NBAS: variants seen among roughly 807,000 people sequenced by gnomAD.
NBAS encodes NAG/BC035112 fusion.
A neutral mutation model predicts 302.5 loss-of-function variants in NBAS; 219 were observed. The observed-to-expected ratio is 0.72, with a 90% CI of 0.65 to 0.81. The LOEUF (loss-of-function observed/expected upper bound fraction) is 0.81. Ranked by LOEUF, NBAS falls within the 30% of genes least tolerant of loss-of-function variation. The pLI is 0.00. For synonymous variants in NBAS, 1,118 were observed against 1,021.6 expected (o/e 1.09, Z -1.80); for missense variants, 2,932 against 2,841.6 (o/e 1.03, Z -0.72).
chr2:15,186,862 C>T lies in NBAS; in HGVS notation c.6591G>A (p.Trp2197Ter). 6.2e-7 allele frequency: 1 copy of T among 1,613,842 alleles called. No individual in the cohort carries two copies. The highest frequency in any genetic ancestry group is 8.5e-7 in the Non-Finnish European group (1 of 1,179,914). ...KSEYVITNNP[W>*]VRLATVMLTR... ...TTAGCATCACTGTAGCTAGTCTCAC[C>T]CATGGATTATTGGTTATGCTGGTGT... The change falls in exon 50 of 52, where the codon TGG becomes TGA. Residue 2197 changes from tryptophan to a stop codon, truncating the protein, a stop_gained. Transcript: ENST00000281513. LOFTEE classifies it high-confidence loss of function.
At chr2:15,265,588 T>C (rs939045128) in intron 44 of NBAS, among the ~76,000 whole-genome samples, 1 of 152,160 alleles carries the variant, frequency 6.6e-6, no homozygotes, top group Non-Finnish European at 1.5e-5. Flanking sequence ...AGGACTAGCA[T>C]AGGGTTCGGT....
chr2:14,855,290 G>T, the NBAS span, among the ~76,000 whole-genome samples: 1 of 152,192 alleles, frequency 6.6e-6, no homozygotes, highest in South Asian at 2.1e-4. Flanking sequence ...TACATCAAAG[G>T]CCCTAGCTCT....
At chr2:15,379,868 G>C (rs2058866) in intron 29 of NBAS, 37 bp from the exon 30 acceptor site, 1 of 1,570,942 alleles carries the variant, frequency 6.4e-7, no homozygotes, top group Non-Finnish European at 8.8e-7. Flanking sequence ...GTTATAGAGA[G>C]GGAAGATTCA....
At chr2:14,787,969 T>C in the NBAS span, among the ~76,000 whole-genome samples, 3 of 152,190 alleles carry the variant, frequency 2.0e-5, no homozygotes, top group Admixed American at 6.5e-5. Flanking sequence ...CAATCAGACA[T>C]AGATTTGGTC....
intron 44 of NBAS, among the ~76,000 whole-genome samples, chr2:15,248,761 C>A (rs544703700): frequency 6.6e-6 from 1 of 152,060 alleles, no homozygotes; most frequent in South Asian, 2.1e-4. Context: ...CAAGACTAAA[C>A]CAGAAGTTGA....
the NBAS span, among the ~76,000 whole-genome samples, chr2:14,830,172 T>C: frequency 6.6e-6 from 1 of 152,170 alleles, no homozygotes; most frequent in African/African-American, 2.4e-5. Flanking sequence ...TTAAATAGCT[T>C]CTGTTATACA....
At chr2:15,365,715 A>G (rs1390654587) in intron 32 of NBAS, among the ~76,000 whole-genome samples, 1 of 152,174 alleles carries the variant, frequency 6.6e-6, no homozygotes, top group African/African-American at 2.4e-5. Flanking sequence ...CGATTACTAA[A>G]ACTAGAGACC....
the NBAS span, among the ~76,000 whole-genome samples, chr2:15,032,940 T>C: frequency 0.01 from 1,572 of 152,332 alleles, 31 homozygotes; most frequent in African/African-American, 0.036. Context: ...TTTGATTTCA[T>C]AGGGGAAGGA....
the NBAS span, among the ~76,000 whole-genome samples, chr2:14,795,711 G>A: frequency 6.8e-4 from 103 of 152,162 alleles, 2 homozygotes; most frequent in Admixed American, 2.0e-4. Flanking sequence ...GGTAAGTGTG[G>A]TGGACAGAGG....
At chr2:15,220,201 G>A (rs1666887759) in intron 47 of NBAS, among the ~76,000 whole-genome samples, 3 of 135,018 alleles carry the variant, frequency 2.2e-5, no homozygotes, top group Non-Finnish European at 3.2e-5. Context: ...CCTCCCTCCC[G>A]GACGGGGCGG....
At chr2:15,245,035 C>T (rs537079473) in intron 44 of NBAS, among the ~76,000 whole-genome samples, 5 of 152,080 alleles carry the variant, frequency 3.3e-5, no homozygotes, top group African/African-American at 9.7e-5. Context: ...CTGAGGGAGG[C>T]GTCTGTTGTG....
rs188303463 is a variant in NBAS at position 15,300,114 on chromosome 2, T to A, written c.4798-7348A>T. ...GGCCTCTGCTGGCTCAGGACGATGC[T>A]GCCCTTCAAGATGCACAGGCTGTGC... On this transcript the variant is annotated intron_variant, in intron 40 of 51. Transcript: ENST00000281513. Among the ~76,000 whole-genome samples the A allele has an allele frequency of 7.2e-5, 11 of 152,322 alleles. 1 individual carries two copies. In the East Asian group the frequency reaches 2.1e-3, roughly 29 times the overall value.
At chr2:15,085,450 C>T in the NBAS span, among the ~76,000 whole-genome samples, 1 of 152,138 alleles carries the variant, frequency 6.6e-6, no homozygotes, top group Non-Finnish European at 1.5e-5. Context: ...CCCAGGGCCA[C>T]CTCTCAGTGC....
At chr2:14,924,836 G>A in the NBAS span, among the ~76,000 whole-genome samples, 871 of 151,908 alleles carry the variant, frequency 5.7e-3, no homozygotes, top group Middle Eastern at 0.02. Flanking sequence ...ATTTCTGCAG[G>A]GAAAGGCCCC....
At chr2:15,176,826 G>A (rs1477753725) in intron 51 of NBAS, among the ~76,000 whole-genome samples, 2 of 152,142 alleles carry the variant, frequency 1.3e-5, no homozygotes, top group East Asian at 3.8e-4. Context: ...ACACTGGGGG[G>A]AACTGGGTGA....
chr2:14,966,849 T>G, the NBAS span, among the ~76,000 whole-genome samples: 11 of 152,290 alleles, frequency 7.2e-5, no homozygotes, highest in Admixed American at 7.2e-4. Context: ...TCAAATAAAA[T>G]AGTAAAACTC....
intron 11 of NBAS, among the ~76,000 whole-genome samples, chr2:15,498,311 T>C (rs1283014132): frequency 6.6e-6 from 1 of 152,224 alleles, no homozygotes; most frequent in Non-Finnish European, 1.5e-5. Context: ...GATAATACTA[T>C]ACCTTTTGAG....
chr2:15,498,116 T>C (rs1251652484), intron 11 of NBAS, among the ~76,000 whole-genome samples: 1 of 152,156 alleles, frequency 6.6e-6, no homozygotes, highest in Non-Finnish European at 1.5e-5. Flanking sequence ...AAAGTACATG[T>C]AGGGGTATAC....
chr2:14,872,756 G>A, the NBAS span, among the ~76,000 whole-genome samples: 13 of 152,022 alleles, frequency 8.6e-5, no homozygotes, highest in Non-Finnish European at 1.8e-4. Context: ...GTTCATAAAC[G>A]TGGCGGGTCC....
Sources: gnomAD v4.1 joint callset for allele counts (sites outside exome capture counted in the v4.1 genomes callset) on GRCh38, gnomAD v4.1.1 for gene constraint, MANE v1.5 for transcripts, NCBI Gene and HGNC (gene_info 2026-07-23, HGNC 2026-07-21) for gene names.